ANK2: variants seen among roughly 807,000 people sequenced by gnomAD.
ANK2 encodes the protein ankyrin 2.
In ANK2, 83 loss-of-function variants were observed where a neutral mutation model predicts 360.5. The ratio of observed to expected loss-of-function variants is 0.23; its 90% CI spans 0.19 to 0.28. ANK2 has a LOEUF of 0.28. ANK2 is among the 10% of genes least tolerant of loss of function. The probability of loss-of-function intolerance (pLI) is 1.00; values close to 1 mark genes in which losing one functional copy is unlikely to be tolerated. For missense variants in ANK2, 4,201 were observed against 4,795.7 expected (o/e 0.88, Z 3.66); for synonymous variants, 1,740 against 1,759.5 (o/e 0.99, Z 0.28).
At chr4:113,343,185 C>A in intron 34 of ANK2, 43 bp downstream of exon 34, 1 of 1,602,270 alleles carries the variant, frequency 6.2e-7, no homozygotes, top group South Asian at 1.1e-5. Flanking sequence ...TTTTCAAGAT[C>A]AAGGCAGAAT....
At chr4:113,229,227 C>G (rs144370074) in intron 4 of ANK2, among the ~76,000 whole-genome samples, 1 of 152,332 alleles carries the variant, frequency 6.6e-6, no homozygotes, top group African/African-American at 2.4e-5. Flanking sequence ...TCTTACAGAA[C>G]TAAAACCAAG....
intron 23 of ANK2, among the ~76,000 whole-genome samples, chr4:113,307,108 A>G (rs2077562428): frequency 6.6e-6 from 1 of 152,116 alleles, no homozygotes; most frequent in African/African-American, 2.4e-5. Flanking sequence ...ATTCTCATGG[A>G]TTCTTGAGTG....
chr4:113,212,141 T>C (rs555499795), intron 4 of ANK2, among the ~76,000 whole-genome samples: 1 of 152,242 alleles, frequency 6.6e-6, no homozygotes, highest in Non-Finnish European at 1.5e-5. Context: ...TAACTGCCTA[T>C]GTACCAAAAG....
At chr4:113,130,711 A>C (rs928566578) in intron 1 of ANK2, among the ~76,000 whole-genome samples, 4 of 152,188 alleles carry the variant, frequency 2.6e-5, no homozygotes, top group African/African-American at 7.2e-5. Flanking sequence ...CCTAATAACC[A>C]TAGGTTTCTA....
intron 1 of ANK2, among the ~76,000 whole-genome samples, chr4:113,156,741 C>T (rs912395653): frequency 2.3e-4 from 35 of 150,946 alleles, no homozygotes; most frequent in African/African-American, 7.0e-4. Context: ...TGGTTGCTAA[C>T]CGTAATTTTG....
the ANK2 span, among the ~76,000 whole-genome samples, chr4:112,705,884 C>T: frequency 6.6e-6 from 1 of 151,950 alleles, no homozygotes; most frequent in African/African-American, 2.4e-5. Context: ...GCCCCGCGGC[C>T]AAGGTCGCGT....
the ANK2 span, among the ~76,000 whole-genome samples, chr4:112,730,555 T>G: frequency 7.1e-6 from 1 of 140,930 alleles, no homozygotes; most frequent in African/African-American, 2.6e-5. Flanking sequence ...GAGAATCGCT[T>G]GAACCTGGGA....
intron 2 of ANK2, among the ~76,000 whole-genome samples, chr4:112,944,988 A>C (rs949857125): frequency 3.3e-5 from 5 of 152,364 alleles, no homozygotes; most frequent in African/African-American, 9.6e-5. Context: ...ATATTTAAGC[A>C]ACTGTGTATC....
chr4:113,188,688 T>G (rs767682010), intron 2 of ANK2, among the ~76,000 whole-genome samples: 9 of 152,190 alleles, frequency 5.9e-5, no homozygotes, highest in Non-Finnish European at 1.3e-4. Flanking sequence ...ATGTAAAATT[T>G]AAAAATTGTC....
intron 1 of ANK2, among the ~76,000 whole-genome samples, chr4:113,058,639 C>T (rs1263418131): frequency 6.6e-6 from 1 of 151,964 alleles, no homozygotes; most frequent in Non-Finnish European, 1.5e-5. Flanking sequence ...GGTATGGTGG[C>T]GGGATGCCTT....
chr4:112,836,229 C>G (rs1049370768), intron 1 of ANK2, among the ~76,000 whole-genome samples: 16 of 152,130 alleles, frequency 1.1e-4, no homozygotes, highest in African/African-American at 3.9e-4. Context: ...GTGGCACTTC[C>G]TCGCTCTCTC....
chr4:113,343,858 G>C (rs1305683687), intron 34 of ANK2, among the ~76,000 whole-genome samples: 4 of 152,106 alleles, frequency 2.6e-5, no homozygotes, highest in Non-Finnish European at 5.9e-5. Flanking sequence ...CTAATCCAGA[G>C]GTCCTAACGC....
At chr4:113,006,965 A>G (rs2053102069) in intron 2 of ANK2, among the ~76,000 whole-genome samples, 1 of 152,208 alleles carries the variant, frequency 6.6e-6, no homozygotes, top group Non-Finnish European at 1.5e-5. Context: ...AATTAGAACA[A>G]GGAAAATGGT....
chr4:113,197,743 A>G (rs1205761217), intron 3 of ANK2, among the ~76,000 whole-genome samples: 4 of 152,256 alleles, frequency 2.6e-5, no homozygotes, highest in South Asian at 2.1e-4. Flanking sequence ...ACAACTGGCA[A>G]TTCCACAGAA....
At chr4:113,240,439 A>C (rs745918500) in intron 7 of ANK2, 46 bp from the exon 8 acceptor site, 1 of 1,433,594 alleles carries the variant, frequency 7.0e-7, no homozygotes, top group East Asian at 2.3e-5. Flanking sequence ...GCTGCAACAT[A>C]GAAAAGTGAA....
At chr4:112,762,534 CAG>C in the ANK2 span, among the ~76,000 whole-genome samples, 2 of 152,184 alleles carry the variant, frequency 1.3e-5, no homozygotes, top group Non-Finnish European at 2.9e-5. Context: ...TTATTTTAGA[CAG>C]AGTCTCACTG....
intron 2 of ANK2, among the ~76,000 whole-genome samples, chr4:112,941,943 T>C (rs1279572032): frequency 6.6e-6 from 1 of 151,198 alleles, no homozygotes; most frequent in African/African-American, 2.4e-5. Flanking sequence ...AAAGATTAAA[T>C]AAAATAATAC....
chr4:113,177,849 C>T (rs1989931), intron 2 of ANK2, among the ~76,000 whole-genome samples: 73,076 of 151,988 alleles, frequency 0.48, 18,200 homozygotes, highest in African/African-American at 0.62. Context: ...AAGAAGTCAG[C>T]TCACTTTAGA....
At chr4:113,236,906 G>A in intron 5 of ANK2, 81 bp from the exon 6 acceptor site, 2 of 1,383,034 alleles carry the variant, frequency 1.4e-6, no homozygotes, top group Non-Finnish European at 2.1e-6. Context: ...GATCATTAAA[G>A]ATTAGAGGCA....
Sources: gnomAD v4.1 joint callset for allele counts (sites outside exome capture counted in the v4.1 genomes callset) on GRCh38, gnomAD v4.1.1 for gene constraint, MANE v1.5 for transcripts, NCBI Gene and HGNC (gene_info 2026-07-23, HGNC 2026-07-21) for gene names.